Variants in PRKAG2 observed in about 807,000 individuals in gnomAD.
The protein encoded by PRKAG2 is protein kinase AMP-activated non-catalytic subunit gamma 2.
PRKAG2 carries 26 observed loss-of-function variants against 69.6 expected under a neutral mutation model. The observed-to-expected ratio is 0.37, with a 90% CI of 0.27 to 0.52. The LOEUF is 0.52. Ranked by LOEUF, PRKAG2 falls within the 20% of genes least tolerant of loss-of-function variation. The pLI is 0.90. For synonymous variants in PRKAG2, 293 were observed against 285.0 expected, an observed-to-expected ratio of 1.03 and a Z score of -0.28; for missense variants, 557 against 740.0, an observed-to-expected ratio of 0.75 and a Z score of 2.87.
At position 151,583,732 on chromosome 7, in the gene PRKAG2, A is replaced by C. The variant is rs1212584661; in HGVS notation, c.865-7280T>G. ...ATTTCTTTCCTTTTAACTGATACGC[A>C]ATTTGCTCAAACTATGATTAATTTT... On this transcript the variant is annotated intron_variant, in intron 6 of 15. Coordinates refer to ENST00000287878, the MANE Select transcript of PRKAG2 (RefSeq NM_016203.4). The surrounding 1 kb of genome is among the most constrained non-coding windows in gnomAD (Gnocchi z 4.1). 1.3e-5 allele frequency among the ~76,000 whole-genome samples: 2 copies of C among 152,184 alleles called. No homozygotes were observed. The highest frequency in any genetic ancestry group is 6.5e-5 in the Admixed American group (1 of 15,276).
rs529023655 is a variant in PRKAG2 at position 151,563,977 on chromosome 7, G to A, written c.1584+101C>T. 83 of 1,543,384 alleles carry A rather than the reference G, an allele frequency of 5.4e-5. 1 individual carries two copies. In the South Asian group the frequency reaches 8.8e-4, roughly 16 times the overall value. On this transcript the variant is annotated intron_variant, in intron 14 of 15. Coordinates refer to ENST00000287878, the MANE Select transcript of PRKAG2 (RefSeq NM_016203.4). Reference sequence around the variant, plus strand: ...ATCGACTGAACCTGGAGGCTGCCTCGCTGGGCCCTTCCTGAGATTCAGGCT... The same window carrying A: ...ATCGACTGAACCTGGAGGCTGCCTCACTGGGCCCTTCCTGAGATTCAGGCT...
intron 3 of PRKAG2, among the ~76,000 whole-genome samples, chr7:151,748,302 C>T (rs2074426373): frequency 6.6e-6 from 1 of 152,016 alleles, no homozygotes; most frequent in Non-Finnish European, 1.5e-5. Flanking sequence ...ACAATGTAAA[C>T]AATAGATAGT....
chr7:151,632,762 T>C lies in PRKAG2; in HGVS notation c.685-624A>G. ...CCATCCTCGGCCCCCTTAACAAAAA[T>C]CGTTCCGTGGGCTACACGTATTGTA... is the stretch of plus-strand genomic sequence containing the variant. On this transcript the variant is annotated intron_variant, in intron 4 of 15. Coordinates refer to ENST00000287878, the MANE Select transcript of PRKAG2 (RefSeq NM_016203.4). This position sits in a 1 kb window ranked among gnomAD's most constrained non-coding sequence, Gnocchi z 4.2. 1 of 222,180 alleles carries C rather than the reference T, an allele frequency of 4.5e-6. No individual in the cohort carries two copies. The highest frequency in any genetic ancestry group is 7.6e-6 in the Non-Finnish European group (1 of 132,126). The allele number at this position is 222,180 out of a possible 1,614,324, so 13.8% of individuals were successfully genotyped here.
chr7:151,569,897 T>C lies in PRKAG2; in HGVS notation c.1106+274A>G, dbSNP rs561380056. Among the ~76,000 whole-genome samples, 6 of 152,320 alleles carry C rather than the reference T, an allele frequency of 3.9e-5. No individual in the cohort carries two copies. The East Asian group carries it at 1.2e-3, about 29-fold the overall frequency. On this transcript the variant is annotated intron_variant, in intron 10 of 15. Transcript: ENST00000287878. Reference sequence around the variant, plus strand: ...CAGGTCAGGGGTAAAAGCCCAGGAATCTGCAATTTCAACACGCCCCCCAGA... The same window carrying C: ...CAGGTCAGGGGTAAAAGCCCAGGAACCTGCAATTTCAACACGCCCCCCAGA...
chr7:151,570,352 T>C, intron 9 of PRKAG2, 127 bp from the exon 10 acceptor site: 3 of 1,099,274 alleles, frequency 2.7e-6, no homozygotes, highest in South Asian at 3.2e-5. Context: ...TAAAAAGAAA[T>C]TTAATTTGCC....
intron 3 of PRKAG2, among the ~76,000 whole-genome samples, chr7:151,775,128 C>T (rs796335815): frequency 2.6e-5 from 4 of 152,344 alleles, no homozygotes; most frequent in East Asian, 3.9e-4. Context: ...GGCATCCTTG[C>T]GTGCATGCAC....
At chr7:151,591,226 T>C (rs1271727335) in intron 6 of PRKAG2, among the ~76,000 whole-genome samples, 1 of 152,260 alleles carries the variant, frequency 6.6e-6, no homozygotes, top group Non-Finnish European at 1.5e-5. Flanking sequence ...TCCTTTTCTC[T>C]ATACCAATCT....
At chr7:151,644,360 C>G (rs534840816) in intron 4 of PRKAG2, among the ~76,000 whole-genome samples, 2 of 152,292 alleles carry the variant, frequency 1.3e-5, no homozygotes, top group Admixed American at 1.3e-4. Context: ...ACCCCTTCTT[C>G]AAGGCAACCA....
rs1286177984 is a variant in PRKAG2 at position 151,677,847 on chromosome 7, T to C, written c.467-2210A>G. Among the ~76,000 whole-genome samples, 3 of 152,260 alleles carry C rather than the reference T, an allele frequency of 2.0e-5. 1 individual carries two copies. The highest frequency in any genetic ancestry group is 4.1e-4 in the South Asian group (2 of 4,826). On this transcript the variant is annotated intron_variant, in intron 3 of 15. Coordinates refer to ENST00000287878, the MANE Select transcript of PRKAG2 (RefSeq NM_016203.4). The stretch of plus-strand genomic sequence containing the variant: ...TGTCCATCAATCTTCTTCCACCACA[T>C]GGCTGAGAGCTGGGCTCTCGGAGTC...
intron 3 of PRKAG2, among the ~76,000 whole-genome samples, chr7:151,723,265 T>C (rs901177673): frequency 6.6e-6 from 1 of 152,152 alleles, no homozygotes; most frequent in Non-Finnish European, 1.5e-5. Context: ...TTTTTGGTAG[T>C]GCAGTGGAGT....
At chr7:151,720,188 G>A (rs1796823600) in intron 3 of PRKAG2, among the ~76,000 whole-genome samples, 1 of 152,170 alleles carries the variant, frequency 6.6e-6, no homozygotes, top group African/African-American at 2.4e-5. Flanking sequence ...CTCCTCCAGT[G>A]GCTGCAGACA....
chr7:151,572,583 T>A (rs370814042), intron 9 of PRKAG2, 81 bp downstream of exon 9: 2 of 1,014,280 alleles, frequency 2.0e-6, no homozygotes, highest in African/African-American at 3.2e-5. Context: ...GAGAAAAGGA[T>A]CTGCAAAATG....
intron 1 of PRKAG2, among the ~76,000 whole-genome samples, chr7:151,832,735 C>T (rs922561030): frequency 3.9e-5 from 6 of 152,046 alleles, no homozygotes; most frequent in East Asian, 3.9e-4. Flanking sequence ...GGGACTGAGG[C>T]GACAAAAGCT....
intron 5 of PRKAG2, among the ~76,000 whole-genome samples, chr7:151,598,340 A>G (rs1401670656): frequency 6.6e-6 from 1 of 152,192 alleles, no homozygotes; most frequent in African/African-American, 2.4e-5. Flanking sequence ...GGTCAGTTAC[A>G]GTCAGACAGG....
At chr7:151,557,472 A>C in intron 15 of PRKAG2, 2 of 985,358 alleles carry the variant, frequency 2.0e-6, no homozygotes, top group South Asian at 4.7e-5. Context: ...TGGAAAACAA[A>C]AAAAAAGAAT....
intron 3 of PRKAG2, among the ~76,000 whole-genome samples, chr7:151,713,228 C>T (rs191117076): frequency 1.1e-4 from 16 of 151,904 alleles, no homozygotes; most frequent in Admixed American, 9.8e-4. Context: ...AATGGATATG[C>T]AGTTTGCAGA....
chr7:151,677,234 T>C (rs1298333719), intron 3 of PRKAG2, among the ~76,000 whole-genome samples: 1 of 152,184 alleles, frequency 6.6e-6, no homozygotes, highest in Non-Finnish European at 1.5e-5. Flanking sequence ...TCGCCCAGGC[T>C]GCAGTGCTGT....
rs757727533 is a variant in PRKAG2, at chr7:151,781,189, C to T, written c.429G>A (p.Ser143=). Residue 143 remains serine, a synonymous_variant, in exon 3 of 16, where the codon TCG becomes TCA. Transcript: ENST00000287878. The surrounding 1 kb of genome is among the most constrained non-coding windows in gnomAD (Gnocchi z 6.1). ...ESSPNSNPAT[S]PGGIRFFSRS... is the part of the protein sequence containing the mutation. ...GGGAGAAAAACCTGATGCCCCCGGGCGAGGTAGCAGGGTTGGAGTTGGGGG... is the reference window on the plus strand; with the variant it reads ...GGGAGAAAAACCTGATGCCCCCGGGTGAGGTAGCAGGGTTGGAGTTGGGGG... 49 of 1,613,904 alleles carry T rather than the reference C, an allele frequency of 3.0e-5. No homozygotes were observed. In the East Asian group the frequency reaches 4.5e-4, roughly 15 times the overall value.
chr7:151,852,545 T>G (rs918374771), intron 1 of PRKAG2, among the ~76,000 whole-genome samples: 2 of 151,960 alleles, frequency 1.3e-5, no homozygotes, highest in Non-Finnish European at 2.9e-5. Context: ...TGCCCTCCAC[T>G]GCTACATCCT....
Sources: allele counts gnomAD v4.1 joint callset (sites outside exome capture counted in the v4.1 genomes callset), GRCh38; gene constraint gnomAD v4.1.1; non-coding constraint Gnocchi (gnomAD v3.1); transcripts MANE v1.5; gene names NCBI Gene and HGNC (gene_info 2026-07-23, HGNC 2026-07-21).